The following SKAP2 variants were observed in gnomAD, a reference collection of about 807,000 sequenced individuals.
SKAP2 encodes the protein src kinase associated phosphoprotein 2, also known as src kinase-associated phosphoprotein 2.
SKAP2 carries 28 observed loss-of-function variants against 54.9 expected under a neutral mutation model. The observed-to-expected ratio is 0.51, with a 90% CI of 0.38 to 0.70. The LOEUF is 0.70. SKAP2 is among the 30% of genes least tolerant of loss of function. The pLI, the probability that SKAP2 is intolerant of heterozygous loss-of-function variation, is 0.00. For synonymous variants in SKAP2, 137 were observed against 134.3 expected, an observed-to-expected ratio of 1.02 and a Z score of -0.14; for missense variants, 356 against 424.1, an observed-to-expected ratio of 0.84 and a Z score of 1.41.
intron 4 of SKAP2, among the ~76,000 whole-genome samples, chr7:26,777,263 T>C (rs369173470): frequency 4.7e-4 from 71 of 152,172 alleles, no homozygotes; most frequent in African/African-American, 1.7e-3. Context: ...AGACATGAAG[T>C]AGTTGATATA....
chr7:26,758,159 A>G (rs191989857), intron 4 of SKAP2, among the ~76,000 whole-genome samples: 7 of 152,342 alleles, frequency 4.6e-5, no homozygotes, highest in Admixed American at 3.9e-4. Context: ...CTGGAAGGGC[A>G]CATAGAACTG....
chr7:26,846,743 G>A (rs1250685210), intron 3 of SKAP2, among the ~76,000 whole-genome samples: 3 of 152,190 alleles, frequency 2.0e-5, no homozygotes, highest in Non-Finnish European at 4.4e-5. Context: ...CACTGTGGGA[G>A]GCCAAGGCAG....
At chr7:26,713,660 C>T (rs1042503021) in intron 9 of SKAP2, among the ~76,000 whole-genome samples, 3 of 151,332 alleles carry the variant, frequency 2.0e-5, no homozygotes, top group Admixed American at 6.6e-5. Flanking sequence ...AGTGCAGTGG[C>T]GCGATCTCGG....
chr7:26,807,065 T>C (rs775701711), intron 4 of SKAP2, among the ~76,000 whole-genome samples: 2 of 152,166 alleles, frequency 1.3e-5, no homozygotes, highest in Non-Finnish European at 2.9e-5. Context: ...TGAAATCTCA[T>C]GATAAAACTT....
At chr7:26,817,216 G>C (rs1784283836) in intron 4 of SKAP2, among the ~76,000 whole-genome samples, 1 of 152,210 alleles carries the variant, frequency 6.6e-6, no homozygotes, top group South Asian at 2.1e-4. Flanking sequence ...TCTCAGAGGA[G>C]TACAGCTAGT....
At chr7:26,686,724 T>C (rs1228887729) in intron 10 of SKAP2, among the ~76,000 whole-genome samples, 1 of 152,182 alleles carries the variant, frequency 6.6e-6, no homozygotes, top group Non-Finnish European at 1.5e-5. Flanking sequence ...TCAAATGTTG[T>C]GCCCCTTGCA....
chr7:26,762,210 A>T (rs1030647), intron 4 of SKAP2, among the ~76,000 whole-genome samples: 12,872 of 152,146 alleles, frequency 0.085, 609 homozygotes, highest in Middle Eastern at 0.16. Flanking sequence ...TCAAGGCTCT[A>T]GTGAGTTGTG....
chr7:26,846,986 C>T (rs1784936217), intron 3 of SKAP2, among the ~76,000 whole-genome samples: 1 of 152,074 alleles, frequency 6.6e-6, no homozygotes, highest in Non-Finnish European at 1.5e-5. Context: ...AACAGAGACT[C>T]TGTCTCAAAA....
At chr7:26,728,101 C>T (rs1787746834) in intron 6 of SKAP2, among the ~76,000 whole-genome samples, 1 of 152,036 alleles carries the variant, frequency 6.6e-6, no homozygotes, top group Non-Finnish European at 1.5e-5. Flanking sequence ...AATCTCAGTT[C>T]CTGGGAAACT....
chr7:26,845,996 T>C (rs1273661063), intron 3 of SKAP2, among the ~76,000 whole-genome samples: 1 of 152,134 alleles, frequency 6.6e-6, no homozygotes, highest in Non-Finnish European at 1.5e-5. Flanking sequence ...GGAAGGAACT[T>C]CATAAAGTGC....
the SKAP2 span, among the ~76,000 whole-genome samples, chr7:26,657,194 CTTG>C: frequency 2.6e-5 from 4 of 152,174 alleles, no homozygotes; most frequent in Non-Finnish European, 5.9e-5. Context: ...TGCTTTGTGA[CTTG>C]TTGTATCAGC....
At chr7:26,840,076 A>G (rs1784789693) in intron 4 of SKAP2, among the ~76,000 whole-genome samples, 1 of 152,118 alleles carries the variant, frequency 6.6e-6, no homozygotes, top group African/African-American at 2.4e-5. Flanking sequence ...ATTCCTAAAA[A>G]AAAATTTCTT....
intron 9 of SKAP2, among the ~76,000 whole-genome samples, chr7:26,711,469 CTA>C (rs1307789354): frequency 6.6e-6 from 1 of 152,188 alleles, no homozygotes; most frequent in Non-Finnish European, 1.5e-5. Flanking sequence ...GCCACATCAA[CTA>C]AAGTTTGATC....
In SKAP2 at chr7:26,798,270, G is replaced by A. The variant is rs138183262; in HGVS notation, c.307+45760C>T. Among the ~76,000 whole-genome samples, 508 of 152,062 alleles carry A rather than the reference G, an allele frequency of 3.3e-3. 3 individuals carry two copies. The highest frequency in any genetic ancestry group is 0.012 in the African/African-American group (487 of 41,480). On this transcript the variant is annotated intron_variant, in intron 4 of 12. Coordinates refer to ENST00000345317, the MANE Select transcript of SKAP2 (RefSeq NM_003930.5). ...AGTGGAAACCTTATAGGCCAGGAGA[G>A]AGTGGCATGACATGTTTAAAGTACC...
At chr7:26,733,074 T>G (rs1787854217) in intron 6 of SKAP2, among the ~76,000 whole-genome samples, 1 of 151,634 alleles carries the variant, frequency 6.6e-6, no homozygotes, top group South Asian at 2.1e-4. Flanking sequence ...GAGGTTGCAG[T>G]GTGCTGAGAT....
intron 4 of SKAP2, among the ~76,000 whole-genome samples, chr7:26,812,301 T>C (rs530636856): frequency 6.6e-6 from 1 of 152,168 alleles, no homozygotes; most frequent in East Asian, 1.9e-4. Flanking sequence ...ATGAGAGTAT[T>C]TGCCCATATA....
intron 9 of SKAP2, among the ~76,000 whole-genome samples, chr7:26,714,752 G>A (rs1562584649): frequency 6.6e-6 from 1 of 152,142 alleles, no homozygotes; most frequent in Non-Finnish European, 1.5e-5. Context: ...GTGGCTATGT[G>A]TACATATGTG....
chr7:26,681,751 C>T (rs1449864060), intron 11 of SKAP2, among the ~76,000 whole-genome samples: 3 of 152,096 alleles, frequency 2.0e-5, no homozygotes, highest in African/African-American at 7.2e-5. Context: ...AATTTCTTTA[C>T]AAAGTACACA....
chr7:26,779,271 T>C (rs10256799), intron 4 of SKAP2, among the ~76,000 whole-genome samples: 65,395 of 151,744 alleles, frequency 0.43, 14,575 homozygotes, highest in Middle Eastern at 0.49. Flanking sequence ...ATATTTCCTC[T>C]ACAATCATTT....
Sources: gnomAD v4.1 joint callset for allele counts (sites outside exome capture counted in the v4.1 genomes callset) on GRCh38, gnomAD v4.1.1 for gene constraint, MANE v1.5 for transcripts, NCBI Gene and HGNC (gene_info 2026-07-23, HGNC 2026-07-21) for gene names.